The following PDS5A variants were observed in gnomAD, a reference collection of about 807,000 sequenced individuals.
PDS5A encodes sister chromatid cohesion protein PDS5 homolog A.
In PDS5A, 42 loss-of-function variants were observed where a neutral mutation model predicts 167.1. The observed-to-expected ratio is 0.25, with a 90% CI of 0.20 to 0.33. The LOEUF is 0.33. Among genes scored for constraint, PDS5A ranks in the 10% least tolerant of loss-of-function variants. The pLI, the probability that PDS5A is intolerant of heterozygous loss-of-function variation, is 1.00. For missense variants in PDS5A, 1,033 were observed against 1,605.9 expected, an observed-to-expected ratio of 0.64 and a Z score of 6.10; for synonymous variants, 553 against 554.6, an observed-to-expected ratio of 1.00 and a Z score of 0.04.
At chr4:39,968,705 T>C (rs1306570986) in intron 2 of PDS5A, among the ~76,000 whole-genome samples, 1 of 151,942 alleles carries the variant, frequency 6.6e-6, no homozygotes, top group Non-Finnish European at 1.5e-5. Flanking sequence ...GTGCTGGGAT[T>C]ACATGCATGA....
At chr4:39,866,310 G>GGT (rs1245625069) in intron 23 of PDS5A, among the ~76,000 whole-genome samples, 3 of 152,140 alleles carry the variant, frequency 2.0e-5, no homozygotes, top group Admixed American at 1.3e-4. Flanking sequence ...GTAGAGACGG[G>GGT]GTTTCACCAT....
At chr4:39,971,809 T>C (rs1174636734) in intron 2 of PDS5A, among the ~76,000 whole-genome samples, 1 of 152,172 alleles carries the variant, frequency 6.6e-6, no homozygotes, top group African/African-American at 2.4e-5. Context: ...TGCTATGTTA[T>C]AATAATAATA....
intron 15 of PDS5A, 60 bp from the exon 16 acceptor site, chr4:39,898,588 G>T: frequency 8.6e-7 from 1 of 1,156,856 alleles, no homozygotes; most frequent in Non-Finnish European, 1.2e-6. Flanking sequence ...ATTCTACTAA[G>T]CTAAAAACAG....
At position 39,872,387 on chromosome 4, in the gene PDS5A, C is replaced by T. The variant is rs560727217; in HGVS notation, c.2436+599G>A. On this transcript the variant is annotated intron_variant, in intron 21 of 32. Coordinates refer to ENST00000303538, the MANE Select transcript of PDS5A (RefSeq NM_001100399.2). ...ATGTTTGATAAAACAAATTTTAGCC[C>T]GGCATGGTGGCTCACACCTGTAATC... Among the ~76,000 whole-genome samples, 50 of 152,002 alleles carry T rather than the reference C, an allele frequency of 3.3e-4. No individual in the cohort carries two copies. The South Asian group carries it at 3.7e-3, about 11-fold the overall frequency.
At chr4:39,930,274 T>TTTA (rs1725939033) in intron 2 of PDS5A, among the ~76,000 whole-genome samples, 1 of 143,560 alleles carries the variant, frequency 7.0e-6, no homozygotes, top group African/African-American at 2.5e-5. Context: ...TTTTTTTTTT[T>TTTA]AAGAGACAGG....
At chr4:39,841,811 G>A (rs886125679) in intron 31 of PDS5A, 137 bp downstream of exon 31, 5 of 584,686 alleles carry the variant, frequency 8.6e-6, no homozygotes, top group Non-Finnish European at 9.3e-6. Flanking sequence ...GGGAAGCGGG[G>A]AGAAGGTGTG....
chr4:39,837,656 A>T, intron 32 of PDS5A, 200 bp downstream of exon 32: 1 of 492,070 alleles, frequency 2.0e-6, no homozygotes. Context: ...ACACAAAGAA[A>T]AAAGATTTTT....
At position 39,964,176 on chromosome 4, in the gene PDS5A, A is replaced by G. The variant is rs965906367; in HGVS notation, c.138+12264T>C. Among the ~76,000 whole-genome samples, 35 of 152,178 alleles carry G rather than the reference A, an allele frequency of 2.3e-4. 2 individuals are homozygous for G. ...ACTGGTAAAGTAGCTCTGTATTTAGACTGTGTTTACAGTAGGGTAGTACAA... is the reference window on the plus strand; with the variant it reads ...ACTGGTAAAGTAGCTCTGTATTTAGGCTGTGTTTACAGTAGGGTAGTACAA... On this transcript the variant is annotated intron_variant, in intron 2 of 32. Transcript: ENST00000303538.
intron 16 of PDS5A, among the ~76,000 whole-genome samples, chr4:39,895,991 T>C (rs1477307504): frequency 6.6e-6 from 1 of 151,144 alleles, no homozygotes; most frequent in East Asian, 1.9e-4. Flanking sequence ...CCCAAAGTGC[T>C]GGGATTACAG....
intron 10 of PDS5A, 110 bp from the exon 11 acceptor site, chr4:39,908,650 T>A: frequency 1.5e-6 from 1 of 668,860 alleles, no homozygotes; most frequent in Non-Finnish European, 2.6e-6. Context: ...TAAAGCAATG[T>A]TTGTAAAATA....
intron 16 of PDS5A, among the ~76,000 whole-genome samples, chr4:39,892,539 C>T (rs920458341): frequency 1.3e-5 from 2 of 152,204 alleles, no homozygotes; most frequent in East Asian, 3.8e-4. Flanking sequence ...CCTATTTCCA[C>T]CCCTGCCTGG....
intron 2 of PDS5A, among the ~76,000 whole-genome samples, chr4:39,938,339 G>A (rs979253717): frequency 6.6e-6 from 1 of 152,070 alleles, no homozygotes; most frequent in Non-Finnish European, 1.5e-5. Flanking sequence ...TGGATCACCC[G>A]AGGTCAGGAG....
chr4:39,955,515 G>A (rs918829992), intron 2 of PDS5A, among the ~76,000 whole-genome samples: 1 of 152,022 alleles, frequency 6.6e-6, no homozygotes, highest in Non-Finnish European at 1.5e-5. Flanking sequence ...TGGGAGAACT[G>A]CTTGAACCCG....
chr4:39,869,773 T>TTA (rs1351887356), intron 21 of PDS5A, among the ~76,000 whole-genome samples: 1 of 152,156 alleles, frequency 6.6e-6, no homozygotes, highest in Non-Finnish European at 1.5e-5. Context: ...AAGACCATCT[T>TTA]TAGTGAAAGA....
rs2109702312 is a variant in PDS5A, at chr4:39,917,054, T to C, written c.870A>G (p.Lys290=). The part of the protein sequence containing the change: ...LLSVMPQLEF[K]LKSNDGEERL... ...GAAAACTGGTCAATCTTACCTTTAGTTTGAATTCAAGCTGTGGCATGACGG... is the reference window on the plus strand; with the variant it reads ...GAAAACTGGTCAATCTTACCTTTAGCTTGAATTCAAGCTGTGGCATGACGG... The change falls in exon 8 of 33, where the codon AAA becomes AAG. Residue 290 remains lysine (K), a synonymous_variant. Transcript: ENST00000303538. 1 of 1,492,650 alleles carries C rather than the reference T, an allele frequency of 6.7e-7. No individual in the cohort carries two copies. Among genetic ancestry groups the C allele is most frequent in the East Asian group, 2.5e-5 (1 of 39,398 alleles). 92.5% of individuals were successfully genotyped at this position (1,492,650 alleles called of 1,614,324 possible).
At chr4:39,948,597 A>G (rs1307288858) in intron 2 of PDS5A, among the ~76,000 whole-genome samples, 1 of 145,872 alleles carries the variant, frequency 6.9e-6, no homozygotes, top group East Asian at 2.0e-4. Context: ...TGCTGGGATT[A>G]CACGTGTGAG....
Position 39,854,030 on chromosome 4 carries a change from G to A in PDS5A, c.3087-4378C>T, listed in dbSNP as rs75959374. ...AAAATGGGAACAACAGGATGCGTGC[G>A]GTGGCTCACGCCTGTAATCCCAGCA... On this transcript the variant is annotated intron_variant, in intron 26 of 32. Transcript: ENST00000303538. 3.7e-3 allele frequency among the ~76,000 whole-genome samples: 567 copies of A among 152,218 alleles called. 1 individual carries two copies. Among genetic ancestry groups the A allele is most frequent in the African/African-American group, 0.012 (509 of 41,536 alleles).
chr4:39,907,387 A>C (rs148050611), intron 11 of PDS5A, among the ~76,000 whole-genome samples: 1 of 152,280 alleles, frequency 6.6e-6, no homozygotes, highest in East Asian at 1.9e-4. Context: ...TGAAATTATA[A>C]TACTCATTTG....
chr4:39,930,943 C>T (rs1726002860), intron 2 of PDS5A, among the ~76,000 whole-genome samples: 1 of 152,150 alleles, frequency 6.6e-6, no homozygotes, highest in Non-Finnish European at 1.5e-5. Context: ...AGAAAGAATG[C>T]AATCATCTAT....
Sources: allele counts gnomAD v4.1 joint callset (sites outside exome capture counted in the v4.1 genomes callset), GRCh38; gene constraint gnomAD v4.1.1; transcripts MANE v1.5; gene names NCBI Gene and HGNC (gene_info 2026-07-23, HGNC 2026-07-21).